ZNF81: variants seen among roughly 807,000 people sequenced by gnomAD.
ZNF81 encodes the protein zinc finger protein 81.
In ZNF81, 5 loss-of-function variants were observed where a neutral mutation model predicts 32.3. That is an observed-to-expected ratio of 0.15 (90% confidence interval 0.08 to 0.33). The LOEUF is 0.33. ZNF81 is among the 10% of genes least tolerant of loss of function. The pLI, the probability that ZNF81 is intolerant of heterozygous loss-of-function variation, is 1.00. For missense variants in ZNF81, 379 were observed against 479.8 expected (o/e 0.79, Z 1.96); for synonymous variants, 163 against 166.8 (o/e 0.98, Z 0.17).
In ZNF81 at chrX:47,916,271, A is replaced by G; in HGVS notation, c.1625A>G (p.Asn542Ser). The change falls in exon 5 of 5, where the codon AAT becomes AGT. Residue 542 changes from asparagine (N) to serine (S), a missense_variant. Transcript: ENST00000338637. The part of the protein sequence containing the change: ...GKAFTDRSNF[N>S]KHQTIHTGEK... Reference sequence around the variant, plus strand: ...GCCTTCACCGACAGGTCAAATTTCAATAAACACCAGACCATTCACACTGGA... The same window carrying G: ...GCCTTCACCGACAGGTCAAATTTCAGTAAACACCAGACCATTCACACTGGA... The G allele has an allele frequency of 8.3e-7, 1 of 1,211,683 alleles. No homozygotes were observed. The highest frequency in any genetic ancestry group is 1.8e-5 in the South Asian group (1 of 56,999).
chrX:47,893,063 G>GT lies in ZNF81; in HGVS notation c.182-2773dup, dbSNP rs781930137. ...TCAATGTCTAGTCTATTTCCAATTA[G>GT]TTTTTTTTTCTTTTTTAGTCTCAGA... is the stretch of plus-strand genomic sequence containing the variant. On this transcript the variant is annotated intron_variant, in intron 3 of 4. Coordinates refer to ENST00000338637, the MANE Select transcript of ZNF81 (RefSeq NM_007137.5). Among the ~76,000 whole-genome samples the GT allele has an allele frequency of 3.2e-3, 360 of 110,944 alleles. 2 individuals are homozygous for GT. The highest frequency in any genetic ancestry group is 5.0e-3 in the Non-Finnish European group (264 of 52,692).
rs181904595 is a variant in ZNF81, at chrX:47,838,974, C to T, written c.-164+1987C>T. 6.0e-4 allele frequency among the ~76,000 whole-genome samples: 66 copies of T among 110,825 alleles called. 2 individuals carry two copies. In the East Asian group the frequency reaches 0.018, roughly 29 times the overall value. On this transcript the variant is annotated intron_variant, in intron 1 of 4. Coordinates refer to ENST00000338637, the MANE Select transcript of ZNF81 (RefSeq NM_007137.5). ...ACTAATTTTATTATTTTTTGTAAACCGGGTCTCACTATGTTGCCCAGGCTG... is the reference window on the plus strand; with the variant it reads ...ACTAATTTTATTATTTTTTGTAAACTGGGTCTCACTATGTTGCCCAGGCTG...
intron 4 of ZNF81, among the ~76,000 whole-genome samples, chrX:47,906,543 TTAA>T (rs1556889198): frequency 1.8e-5 from 2 of 110,779 alleles, no homozygotes; most frequent in South Asian, 7.8e-4. Context: ...TCAGATACAT[TTAA>T]TAATTAATGC....
intron 2 of ZNF81, among the ~76,000 whole-genome samples, chrX:47,877,257 C>T (rs1270896907): frequency 5.4e-5 from 6 of 111,648 alleles, no homozygotes; most frequent in Admixed American, 1.9e-4. Context: ...TCCAACCAAG[C>T]CTTAGAAGTC....
chrX:47,877,965 T>G (rs782165988), intron 2 of ZNF81, among the ~76,000 whole-genome samples: 1 of 111,521 alleles, frequency 9.0e-6, no homozygotes, highest in Admixed American at 9.5e-5. Context: ...GAGGGCTAAC[T>G]ATAGGCCTAA....
intron 2 of ZNF81, among the ~76,000 whole-genome samples, chrX:47,871,391 T>C (rs1355806715): frequency 8.9e-6 from 1 of 111,829 alleles, no homozygotes; most frequent in Non-Finnish European, 1.9e-5. Flanking sequence ...CTTGTGCTGA[T>C]TTAATTCCAG....
chrX:47,884,107 G>A (rs372855978), intron 2 of ZNF81, among the ~76,000 whole-genome samples: 3 of 109,134 alleles, frequency 2.7e-5, no homozygotes, highest in African/African-American at 1.0e-4. Flanking sequence ...TTAGCCAGGC[G>A]TGGTGGTGGG....
At chrX:47,869,179 C>A (rs1030541549) in intron 2 of ZNF81, among the ~76,000 whole-genome samples, 1 of 111,956 alleles carries the variant, frequency 8.9e-6, no homozygotes, top group African/African-American at 3.2e-5. Flanking sequence ...AACCAGTTAA[C>A]AAAACATTTT....
chrX:47,916,023 A>C lies in ZNF81; in HGVS notation c.1377A>C (p.Ala459=), dbSNP rs782804282. The change falls in exon 5 of 5, where the codon GCA becomes GCC. Residue 459 remains alanine, a synonymous_variant. Coordinates refer to ENST00000338637, the MANE Select transcript of ZNF81 (RefSeq NM_007137.5). ...TCATCCAGAAGGCACACTTGATTGC[A>C]CATCAAAGAATTCATACTGGAGAGA... ...QAFIQKAHLI[A]HQRIHTGEKP... The C allele has an allele frequency of 2.5e-6, 3 of 1,211,832 alleles. No homozygotes were observed. The South Asian group carries it at 5.3e-5, about 21-fold the overall frequency.
intron 4 of ZNF81, among the ~76,000 whole-genome samples, chrX:47,913,907 A>G (rs1485434897): frequency 9.0e-6 from 1 of 111,667 alleles, no homozygotes; most frequent in African/African-American, 3.3e-5. Context: ...CATCCTTGTC[A>G]ATCAGGGTTC....
In ZNF81 at chrX:47,850,934, CAA is replaced by C. The variant is rs1444581482; in HGVS notation, c.54+4614_54+4615del. On this transcript the variant is annotated intron_variant, in intron 2 of 4. Transcript: ENST00000338637. ...ACACACACACACACACACACACACACAACCCAACACCCCTATATCCATTTTTA... is the reference window on the plus strand; with the variant it reads ...ACACACACACACACACACACACACACCCCAACACCCCTATATCCATTTTTA... 2.0e-3 allele frequency among the ~76,000 whole-genome samples: 82 copies of C among 41,988 alleles called. 2 individuals are homozygous for C. The highest frequency in any genetic ancestry group is 4.2e-3 in the African/African-American group (74 of 17,700). The allele number at this position is 41,988 out of a possible 115,157, so 36.5% of individuals were successfully genotyped here. A position where few individuals can be genotyped will look rare whatever the true frequency, so the allele number is the denominator to read the frequency against.
chrX:47,915,703 A>G lies in ZNF81; in HGVS notation c.1057A>G (p.Thr353Ala), dbSNP rs1263657106. 8.3e-7 allele frequency: 1 copy of G among 1,208,993 alleles called. No individual in the cohort carries two copies. Among genetic ancestry groups the G allele is most frequent in the Non-Finnish European group, 1.1e-6 (1 of 894,789 alleles). Reference protein sequence around the residue: ...SELIMHEKTHTREKPYKCNEC... With the variant: ...SELIMHEKTHAREKPYKCNEC... ...ATTAATTATGCATGAGAAAACTCATACTAGAGAGAAACCCTATAAATGCAA... is the reference window on the plus strand; with the variant it reads ...ATTAATTATGCATGAGAAAACTCATGCTAGAGAGAAACCCTATAAATGCAA... Residue 353 changes from threonine to alanine, a missense_variant, in exon 5 of 5, where the codon ACT (threonine) becomes GCT (alanine). By Grantham distance (58) the Thr-to-Ala change is moderately conservative (BLOSUM62 0). This residue lies in a region of ZNF81 where 277 missense variants were observed against 306.6 expected (regional missense o/e 0.90). Coordinates refer to ENST00000338637, the MANE Select transcript of ZNF81 (RefSeq NM_007137.5).
intron 2 of ZNF81, among the ~76,000 whole-genome samples, chrX:47,880,159 C>G (rs1159209286): frequency 1.8e-5 from 2 of 111,873 alleles, no homozygotes; most frequent in Non-Finnish European, 3.8e-5. Flanking sequence ...TCAGCCTGGT[C>G]CATACATTAT....
intron 2 of ZNF81, among the ~76,000 whole-genome samples, chrX:47,866,720 C>T (rs2058561239): frequency 9.0e-6 from 1 of 111,439 alleles, no homozygotes; most frequent in Non-Finnish European, 1.9e-5. Flanking sequence ...CCCAGGGTGA[C>T]AGGGAGATAG....
rs781839890 is a variant in ZNF81 at position 47,920,719 on chromosome X, A to C, written c.*4087A>C. ...TACCCCATGGAGGTAGGCTTTCTCC[A>C]GTCTTCTTCCTTGTCCCCGTGTTTC... On this transcript the variant is annotated 3_prime_UTR_variant, in exon 5 of 5. Coordinates refer to ENST00000338637, the MANE Select transcript of ZNF81 (RefSeq NM_007137.5). 1.0e-4 allele frequency: 11 copies of C among 110,239 alleles called. No individual in the cohort carries two copies. In the South Asian group the frequency reaches 4.0e-3, roughly 40 times the overall value. 9.1% of individuals were successfully genotyped at this position (110,239 alleles called of 1,213,427 possible).
At chrX:47,876,473 A>G (rs1162372084) in intron 2 of ZNF81, among the ~76,000 whole-genome samples, 2 of 112,146 alleles carry the variant, frequency 1.8e-5, no homozygotes, top group African/African-American at 6.5e-5. Context: ...GCTACTGAAC[A>G]GCCGCCTGTA....
rs2058784204 is a variant in ZNF81, at chrX:47,923,930, T to G, written c.*7298T>G. Among the ~76,000 whole-genome samples the G allele has an allele frequency of 9.0e-6, 1 of 111,632 alleles. No homozygotes were observed. The highest frequency in any genetic ancestry group is 3.3e-5 in the African/African-American group (1 of 30,657). On this transcript the variant is annotated 3_prime_UTR_variant, in exon 5 of 5. Coordinates refer to ENST00000338637, the MANE Select transcript of ZNF81 (RefSeq NM_007137.5). The stretch of plus-strand genomic sequence containing the variant: ...CCTTCTTTCCATCTTCCAGCCCTGC[T>G]GACCAACAGTAGCCCCAGGTCTACC...
chrX:47,850,632 G>C (rs1038912055), intron 2 of ZNF81, among the ~76,000 whole-genome samples: 5 of 104,448 alleles, frequency 4.8e-5, no homozygotes, highest in Non-Finnish European at 9.8e-5. Flanking sequence ...CATGAGTAAG[G>C]CTTCCGGCCA....
chrX:47,879,027 T>C (rs2058610786), intron 2 of ZNF81, among the ~76,000 whole-genome samples: 1 of 111,587 alleles, frequency 9.0e-6, no homozygotes, highest in East Asian at 2.8e-4. Flanking sequence ...TCACATTGGG[T>C]CACTCTAACC....
Sources: gnomAD v4.1 joint callset for allele counts (sites outside exome capture counted in the v4.1 genomes callset) on GRCh38, gnomAD v4.1.1 for gene constraint, gnomAD v4.1.1 regional missense constraint, MANE v1.5 for transcripts, NCBI Gene and HGNC (gene_info 2026-07-23, HGNC 2026-07-21) for gene names.